The following TMC3 variants were observed in gnomAD, a reference collection of about 807,000 sequenced individuals.
TMC3 encodes the protein transmembrane channel like 3, also known as transmembrane channel-like protein 3.
TMC3 carries 98 observed loss-of-function variants against 110.6 expected under a neutral mutation model. The ratio of observed to expected loss-of-function variants is 0.89; its 90% CI spans 0.75 to 1.05. The LOEUF is 1.05. TMC3 is among the 50% of genes least tolerant of loss of function. The probability of loss-of-function intolerance (pLI) is 0.00; values close to 1 mark genes in which losing one functional copy is unlikely to be tolerated. For synonymous variants in TMC3, 489 were observed against 513.1 expected, an observed-to-expected ratio of 0.95 and a Z score of 0.63; for missense variants, 1,319 against 1,373.2, an observed-to-expected ratio of 0.96 and a Z score of 0.62.
chr15:81,368,088 C>G lies in TMC3; in HGVS notation c.312+165G>C, dbSNP rs796382563. ...TAGCTGGGACTACAGGCGCCTGCCACCACGCCCGGCTAATTTTTGTATTTT... is the reference window on the plus strand; with the variant it reads ...TAGCTGGGACTACAGGCGCCTGCCAGCACGCCCGGCTAATTTTTGTATTTT... On this transcript the variant is annotated intron_variant, in intron 3 of 21. Transcript: ENST00000359440. Among the ~76,000 whole-genome samples the G allele has an allele frequency of 1.1e-3, 165 of 152,242 alleles. 1 individual carries two copies. The highest frequency in any genetic ancestry group is 3.9e-3 in the African/African-American group (160 of 41,540).
chr15:81,361,228 C>A (rs1350921826), intron 4 of TMC3, among the ~76,000 whole-genome samples: 1 of 152,008 alleles, frequency 6.6e-6, no homozygotes, highest in African/African-American at 2.4e-5. Flanking sequence ...TTTCCTCCTT[C>A]ACTTTTATGA....
rs1037947442 is a variant in TMC3 at position 81,334,822 on chromosome 15, G to T, written c.2357C>A (p.Thr786Lys). The change falls in exon 21 of 22, where the codon ACA becomes AAA. Residue 786 changes from threonine to lysine, a missense_variant. Transcript: ENST00000359440. ...GCTCTGGGGCATGGACTGTGCGACT[G>T]TCTCTATCCTGCCACTCTTGCTGCT... is the stretch of plus-strand genomic sequence containing the variant. Reference protein sequence around the residue: ...SGSSKSGRIETVAQSMPQSPR... With the variant: ...SGSSKSGRIEKVAQSMPQSPR... 4.3e-5 allele frequency: 70 copies of T among 1,613,932 alleles called. No homozygotes were observed. Among genetic ancestry groups the T allele is most frequent in the Non-Finnish European group, 5.8e-5 (69 of 1,179,912 alleles).
chr15:81,335,095 C>A, intron 20 of TMC3, 120 bp from the exon 21 acceptor site: 2 of 1,107,374 alleles, frequency 1.8e-6, no homozygotes, highest in Non-Finnish European at 2.6e-6. Context: ...CAATTGAGTG[C>A]ACTTACAAAT....
In TMC3 at chr15:81,337,922, A is replaced by G. The variant is rs557709814; in HGVS notation, c.2084T>C (p.Met695Thr). 2.5e-6 allele frequency: 4 copies of G among 1,613,658 alleles called. No homozygotes were observed. In the South Asian group the frequency reaches 4.4e-5, roughly 18 times the overall value. The change falls in exon 19 of 22, where the codon ATG becomes ACG. Residue 695 changes from methionine (M) to threonine (T), a missense_variant and splice_region_variant. Physicochemically the swap from Met to Thr is moderately conservative, Grantham distance 81 (BLOSUM62 -1). Transcript: ENST00000359440. ...VILPAVLLLF[M>T]LIYYLQSIAR... ...GATGCTCTGGAGATAATAGATGAGC[A>G]TGCTAGGACAGAACAACACAGGACA...
At position 81,372,591 on chromosome 15, in the gene TMC3, C is replaced by G; in HGVS notation, c.236G>C (p.Arg79Thr). The change falls in exon 2 of 22, where the codon AGA (arginine) becomes ACA (threonine). Residue 79 changes from arginine (R) to threonine (T), a missense_variant and splice_region_variant. By Grantham distance (71) the Arg-to-Thr change is moderately conservative. Transcript: ENST00000359440. ...WTMGQKLRAL[R>T]QAKNIVLKFE... ...CAATAATGGCCATTGAGGCCCTTACCTCAATGCCCTCAGCTTCTGTCCCAT... is the reference window on the plus strand; with the variant it reads ...CAATAATGGCCATTGAGGCCCTTACGTCAATGCCCTCAGCTTCTGTCCCAT... The G allele has an allele frequency of 1.9e-6, 3 of 1,613,304 alleles. No individual in the cohort carries two copies. The highest frequency in any genetic ancestry group is 2.5e-6 in the Non-Finnish European group (3 of 1,179,884).
rs186643798 is a variant in TMC3 at position 81,337,890 on chromosome 15, A to T, written c.2116T>A (p.Ser706Thr). Residue 706 changes from serine (S) to threonine (T), a missense_variant, in exon 19 of 22, where the codon TCT becomes ACT. By Grantham distance (58) the Ser-to-Thr change is moderately conservative (BLOSUM62 1). Coordinates refer to ENST00000359440, the MANE Select transcript of TMC3 (RefSeq NM_001080532.3). ...LIYYLQSIAR[S>T]LKLSNHQLKM... ...AGCTGGTGGTTGCTGAGCTTTAGAGACCGTGCGATGCTCTGGAGATAATAG... is the reference window on the plus strand; with the variant it reads ...AGCTGGTGGTTGCTGAGCTTTAGAGTCCGTGCGATGCTCTGGAGATAATAG... 147 of 1,613,946 alleles carry T rather than the reference A, an allele frequency of 9.1e-5. 1 individual carries two copies. The African/African-American group carries it at 1.8e-3, about 20-fold the overall frequency.
chr15:81,359,938 G>A (rs527305015), intron 4 of TMC3, among the ~76,000 whole-genome samples: 4 of 151,972 alleles, frequency 2.6e-5, no homozygotes, highest in African/African-American at 4.8e-5. Context: ...AAGGGTACAC[G>A]GGAATTCTCT....
chr15:81,348,809 A>ATTTGTTTGTTTG (rs202030905), intron 11 of TMC3, among the ~76,000 whole-genome samples: 1 of 151,706 alleles, frequency 6.6e-6, no homozygotes, highest in Non-Finnish European at 1.5e-5. Context: ...CCTTTTGTTC[A>ATTTGTTTGTTTG]TTTGTTTGTT....
chr15:81,363,609 C>G (rs1428043671), intron 3 of TMC3, among the ~76,000 whole-genome samples: 2 of 152,190 alleles, frequency 1.3e-5, no homozygotes, highest in Non-Finnish European at 2.9e-5. Context: ...TGTTCATCTT[C>G]TGTTCATGAT....
At position 81,340,224 on chromosome 15, in the gene TMC3, G is replaced by C. The variant is rs201749467; in HGVS notation, c.1845-720C>G. 5.0e-3 allele frequency among the ~76,000 whole-genome samples: 749 copies of C among 148,372 alleles called. 4 individuals are homozygous for C. The highest frequency in any genetic ancestry group is 8.5e-3 in the Non-Finnish European group (570 of 66,808). ...TGTTTCTCTGTCTCTCTCTGTCTCT[G>C]TCTCTCTCTCTCTCTCTCTCTCTCT... On this transcript the variant is annotated intron_variant, in intron 16 of 21. Coordinates refer to ENST00000359440, the MANE Select transcript of TMC3 (RefSeq NM_001080532.3).
chr15:81,333,643 A>G (rs1021834751), intron 21 of TMC3, among the ~76,000 whole-genome samples: 1 of 152,164 alleles, frequency 6.6e-6, no homozygotes, highest in African/African-American at 2.4e-5. Flanking sequence ...TGACTTCTCA[A>G]GCACTTCTCT....
At chr15:81,333,991 C>CAA (rs949681769) in intron 21 of TMC3, among the ~76,000 whole-genome samples, 1 of 130,934 alleles carries the variant, frequency 7.6e-6, no homozygotes, top group African/African-American at 2.8e-5. Context: ...ACCCTAGTCT[C>CAA]AAAAAAAAAA....
chr15:81,345,134 A>G (rs2141700941), intron 12 of TMC3, 123 bp from the exon 13 acceptor site: 1 of 1,440,320 alleles, frequency 6.9e-7, no homozygotes, highest in Non-Finnish European at 9.2e-7. Flanking sequence ...GGGAGTAATC[A>G]TTCATCCTCT....
Position 81,331,256 on chromosome 15 carries a change from T to G in TMC3, c.*1163A>C, listed in dbSNP as rs1440453405. On this transcript the variant is annotated 3_prime_UTR_variant, in exon 22 of 22. Coordinates refer to ENST00000359440, the MANE Select transcript of TMC3 (RefSeq NM_001080532.3). The stretch of plus-strand genomic sequence containing the variant: ...ACAGAAGCGAGAGCAAAGGCAGTTG[T>G]TCAGTCTTTTACATTTATCTATACT... The G allele has an allele frequency of 6.6e-6, 1 of 152,220 alleles. No individual in the cohort carries two copies. The highest frequency in any genetic ancestry group is 2.4e-5 in the African/African-American group (1 of 41,454). The allele number at this position is 152,220 out of a possible 1,614,324, so 9.4% of individuals were successfully genotyped here.
In TMC3 at chr15:81,341,442, A is replaced by C. The variant is rs1893712698; in HGVS notation, c.1792T>G (p.Trp598Gly). The C allele has an allele frequency of 6.2e-7, 1 of 1,611,982 alleles. No individual in the cohort carries two copies. Among genetic ancestry groups the C allele is most frequent in the Admixed American group, 1.7e-5 (1 of 59,806 alleles). The change falls in exon 16 of 22, where the codon TGG becomes GGG. Residue 598 changes from tryptophan (W) to glycine (G), a missense_variant. By Grantham distance (184) the Trp-to-Gly change is radical (BLOSUM62 -2). Transcript: ENST00000359440. ...KLIGLMYLRSWAVLTCNVPHQ... is the reference protein window; with the variant it reads ...KLIGLMYLRSGAVLTCNVPHQ... ...GGCACATTGCAGGTCAGCACAGCCCAGCTTCTCAGGTACATGAGCCCAATG... is the reference window on the plus strand; with the variant it reads ...GGCACATTGCAGGTCAGCACAGCCCCGCTTCTCAGGTACATGAGCCCAATG...
chr15:81,340,000 G>A (rs557853420), intron 16 of TMC3, among the ~76,000 whole-genome samples: 1 of 152,182 alleles, frequency 6.6e-6, no homozygotes, highest in East Asian at 1.9e-4. Context: ...TATCCACTCC[G>A]CATGTGGCTG....
At chr15:81,358,726 T>C (rs976603981) in intron 5 of TMC3, among the ~76,000 whole-genome samples, 6 of 152,196 alleles carry the variant, frequency 3.9e-5, no homozygotes, top group Admixed American at 6.5e-5. Context: ...CTAGACATGG[T>C]TTCTACAGGT....
chr15:81,355,775 G>GA lies in TMC3; in HGVS notation c.892-8dup. ...GTTCTTCCAATATAGCTTCCTTTAA[G>GA]AAAAATACATACAGCAATAAAAGCT... is the stretch of plus-strand genomic sequence containing the variant. On this transcript the variant is annotated splice_region_variant and splice_polypyrimidine_tract_variant and intron_variant, in intron 8 of 21. Coordinates refer to ENST00000359440, the MANE Select transcript of TMC3 (RefSeq NM_001080532.3). 1 of 1,561,080 alleles carries GA rather than the reference G, an allele frequency of 6.4e-7. No homozygotes were observed. The highest frequency in any genetic ancestry group is 8.8e-7 in the Non-Finnish European group (1 of 1,137,522).
intron 3 of TMC3, among the ~76,000 whole-genome samples, chr15:81,365,571 T>C (rs1382682900): frequency 6.7e-6 from 1 of 149,260 alleles, no homozygotes; most frequent in East Asian, 2.0e-4. Context: ...CTCAGGAGGC[T>C]GAGACAGGAG....
Sources: allele counts gnomAD v4.1 joint callset (sites outside exome capture counted in the v4.1 genomes callset), GRCh38; gene constraint gnomAD v4.1.1; transcripts MANE v1.5; gene names NCBI Gene and HGNC (gene_info 2026-07-23, HGNC 2026-07-21).